The following PRRC2A variants were observed in gnomAD, a reference collection of about 807,000 sequenced individuals.
PRRC2A encodes the protein protein PRRC2A.
In PRRC2A, 59 loss-of-function variants were observed where a neutral mutation model predicts 224.6. The ratio of observed to expected loss-of-function variants is 0.26; its 90% confidence interval spans 0.21 to 0.33. The LOEUF (loss-of-function observed/expected upper bound fraction) is 0.33, where lower values mean the gene tolerates loss of function less well. PRRC2A is among the 10% of genes least tolerant of loss of function. The pLI is 1.00. For missense variants in PRRC2A, 3,095 were observed against 2,880.7 expected (o/e 1.07, Z -1.70); for synonymous variants, 1,194 against 1,109.5 (o/e 1.08, Z -1.51).
rs745445364 is a variant in PRRC2A, at chr6:31,632,093, A to C, written c.3420A>C (p.Pro1140=). 6.4e-6 allele frequency: 10 copies of C among 1,551,460 alleles called. No individual in the cohort carries two copies. The African/African-American group carries it at 1.4e-4, about 21-fold the overall frequency. The change falls in exon 16 of 31, where the codon CCA becomes CCC. Residue 1140 remains proline (P), a synonymous_variant. Coordinates refer to ENST00000376033, the MANE Select transcript of PRRC2A (RefSeq NM_004638.4). ...TCACCCAGGTCCCTCTCGCTCCCCC[A>C]CCACCAGGAGCCCCACCTTCACCAG... ...GTLTQVPLAP[P]PPGAPPSPAP... is the part of the protein sequence containing the mutation.
At position 31,631,752 on chromosome 6, in the gene PRRC2A, G is replaced by A; in HGVS notation, c.3079G>A (p.Gly1027Ser). Reference sequence around the variant, plus strand: ...GGGTCCTACCTCTTGCCGGGGTCGGGGCCGAGGCGAGTATTTTGCCAGAGG... The same window carrying A: ...GGGTCCTACCTCTTGCCGGGGTCGGAGCCGAGGCGAGTATTTTGCCAGAGG... ...RVGPTSCRGR[G>S]RGEYFARGRG... Residue 1027 changes from glycine to serine, a missense_variant, in exon 16 of 31, where the codon GGC becomes AGC. Physicochemically the swap from Gly to Ser is moderately conservative, Grantham distance 56. This residue lies in a region of PRRC2A where 2,001 missense variants were observed against 1,764.9 expected (regional missense o/e 1.13). Transcript: ENST00000376033. This position sits in a 1 kb window ranked among gnomAD's most constrained non-coding sequence, Gnocchi z 4.5. 6.5e-7 allele frequency: 1 copy of A among 1,541,744 alleles called. No homozygotes were observed. Among genetic ancestry groups the A allele is most frequent in the Non-Finnish European group, 8.8e-7 (1 of 1,142,564 alleles).
In PRRC2A at chr6:31,627,494, G is replaced by A. The variant is rs1245089885; in HGVS notation, c.1291-271G>A. Among the ~76,000 whole-genome samples, 1 of 152,298 alleles carries A rather than the reference G, an allele frequency of 6.6e-6. No homozygotes were observed. Among genetic ancestry groups the A allele is most frequent in the East Asian group, 1.9e-4 (1 of 5,192 alleles). ...AAAGACTAGGGTGGCTAGATAGCTGGATCTGTTAGTATGCATCAGTAGTCC... is the reference window on the plus strand; with the variant it reads ...AAAGACTAGGGTGGCTAGATAGCTGAATCTGTTAGTATGCATCAGTAGTCC... On this transcript the variant is annotated intron_variant, in intron 11 of 30. Transcript: ENST00000376033. The surrounding 1 kb of genome is among the most constrained non-coding windows in gnomAD (Gnocchi z 5.6).
At position 31,622,898 on chromosome 6, in the gene PRRC2A, G is replaced by T. The variant is rs115229219; in HGVS notation, c.109G>T (p.Ala37Ser). 4 of 1,612,106 alleles carry T rather than the reference G, an allele frequency of 2.5e-6. No individual in the cohort carries two copies. Among genetic ancestry groups the T allele is most frequent in the Non-Finnish European group, 3.4e-6 (4 of 1,178,146 alleles). Residue 37 changes from alanine (A) to serine (S), a missense_variant, in exon 2 of 31, where the codon GCT (alanine) becomes TCT (serine). Transcript: ENST00000376033. ...CAAGTCCTTAGAGATCCAGAAACCC[G>T]CTGGTGAGAGTCCTGCAAAGATGCT... ...KGKSLEIQKP[A>S]VAPRHGLQSL...
chr6:31,637,372 C>T lies in PRRC2A; in HGVS notation c.6333+48C>T, dbSNP rs4947329. 5.4e-3 allele frequency: 8,712 copies of T among 1,601,674 alleles called. 172 individuals carry two copies. In the African/African-American group the frequency reaches 0.063, roughly 12 times the overall value. ...CCCAACTCTAAATTCGAGTTGCCAC[C>T]TGATTTCCTGTCCTTCCGTCTCATC... On this transcript the variant is annotated intron_variant, in intron 30 of 30. Transcript: ENST00000376033.
chr6:31,624,305 C>A lies in PRRC2A; in HGVS notation c.335C>A (p.Pro112Gln), dbSNP rs114928949. 9.9e-4 allele frequency: 1,590 copies of A among 1,613,992 alleles called. 4 individuals are homozygous for A. The highest frequency in any genetic ancestry group is 2.3e-3 in the Middle Eastern group (14 of 6,062). Reference protein sequence around the residue: ...TAQPPESQPLPASQTPASNQP... With the variant: ...TAQPPESQPLQASQTPASNQP... ...CAGCCGCCGGAATCGCAGCCACTGCCGGCTTCACAGACGCCTGCCTCCAAC... is the reference window on the plus strand; with the variant it reads ...CAGCCGCCGGAATCGCAGCCACTGCAGGCTTCACAGACGCCTGCCTCCAAC... Residue 112 changes from proline to glutamine, a missense_variant, in exon 4 of 31, where the codon CCG (proline) becomes CAG (glutamine). Pro to Gln is a moderately conservative substitution (Grantham distance 76). Around this residue, in one of 8 missense-constraint regions of PRRC2A, gnomAD observed 52 missense variants for 77.9 expected, o/e 0.67. Coordinates refer to ENST00000376033, the MANE Select transcript of PRRC2A (RefSeq NM_004638.4).
chr6:31,622,546 T>C, intron 1 of PRRC2A, 144 bp from the exon 2 acceptor site: 2 of 457,430 alleles, frequency 4.4e-6, no homozygotes, highest in Admixed American at 8.2e-5. Flanking sequence ...GCATTTGAGC[T>C]ATGAGGGAGC....
chr6:31,624,793 G>T, intron 5 of PRRC2A: 1 of 559,816 alleles, frequency 1.8e-6, no homozygotes, highest in Non-Finnish European at 3.2e-6. Context: ...GTACCTGTCA[G>T]AGCCTTCCAC....
Position 31,627,707 on chromosome 6 carries a change from A to G in PRRC2A, c.1291-58A>G. ...CGACAGTTGATTTGTTGTAAAAGAG[A>G]TGATAGAAAGCATAGTAACTGATTC... On this transcript the variant is annotated intron_variant, in intron 11 of 30. Transcript: ENST00000376033. The surrounding 1 kb of genome is among the most constrained non-coding windows in gnomAD (Gnocchi z 5.6). 1.3e-6 allele frequency: 2 copies of G among 1,576,514 alleles called. No homozygotes were observed. Among genetic ancestry groups the G allele is most frequent in the Non-Finnish European group, 1.7e-6 (2 of 1,159,808 alleles).
rs143791889 is a variant in PRRC2A, at chr6:31,632,545, C to G, written c.3872C>G (p.Thr1291Arg). ...ASAPGPEEAL[T>R]TVTVAPAPRR... ...GCTCCTGGACCTGAGGAGGCCCTCA[C>G]AACAGTCACAGTGGCCCCAGCACCT... Residue 1291 changes from threonine to arginine, a missense_variant, in exon 16 of 31, where the codon ACA becomes AGA. Physicochemically the swap from Thr to Arg is moderately conservative, Grantham distance 71. This residue lies in a region of PRRC2A where 2,001 missense variants were observed against 1,764.9 expected (regional missense o/e 1.13). Coordinates refer to ENST00000376033, the MANE Select transcript of PRRC2A (RefSeq NM_004638.4). 3.7e-6 allele frequency: 6 copies of G among 1,611,298 alleles called. No individual in the cohort carries two copies. The highest frequency in any genetic ancestry group is 5.1e-6 in the Non-Finnish European group (6 of 1,178,948).
chr6:31,632,530 C>T lies in PRRC2A; in HGVS notation c.3857C>T (p.Pro1286Leu). Residue 1286 changes from proline to leucine, a missense_variant, in exon 16 of 31, where the codon CCT becomes CTT. Transcript: ENST00000376033. Reference sequence around the variant, plus strand: ...ACCCTTCCAGCCTCCGCTCCTGGACCTGAGGAGGCCCTCACAACAGTCACA... The same window carrying T: ...ACCCTTCCAGCCTCCGCTCCTGGACTTGAGGAGGCCCTCACAACAGTCACA... The part of the protein sequence containing the change: ...SLTLPASAPG[P>L]EEALTTVTVA... 6.2e-7 allele frequency: 1 copy of T among 1,609,804 alleles called. No homozygotes were observed. The highest frequency in any genetic ancestry group is 8.5e-7 in the Non-Finnish European group (1 of 1,177,858).
Position 31,625,379 on chromosome 6 carries a change from C to A in PRRC2A, c.607+65C>A. ...TCTCAGAGCTAGGTGCTGGCTTATT[C>A]ACCTTCCTCCCCATCACTTTCAGCT... is the stretch of plus-strand genomic sequence containing the variant. On this transcript the variant is annotated intron_variant, in intron 6 of 30. Transcript: ENST00000376033. This position sits in a 1 kb window ranked among gnomAD's most constrained non-coding sequence, Gnocchi z 4.1. 1 of 1,613,234 alleles carries A rather than the reference C, an allele frequency of 6.2e-7. No homozygotes were observed. The highest frequency in any genetic ancestry group is 8.5e-7 in the Non-Finnish European group (1 of 1,179,146).
rs1212043527 is a variant in PRRC2A at position 31,632,498 on chromosome 6, C to T, written c.3825C>T (p.Pro1275=). ...CCGCAAGGGGGTCTGAGGGCAAGCC[C>T]TCCCTAACCCTTCCAGCCTCCGCTC... ...ENAARGSEGK[P]SLTLPASAPG... The change falls in exon 16 of 31, where the codon CCC becomes CCT. Residue 1275 remains proline (P), a synonymous_variant. Coordinates refer to ENST00000376033, the MANE Select transcript of PRRC2A (RefSeq NM_004638.4). 64 of 1,607,842 alleles carry T rather than the reference C, an allele frequency of 4.0e-5. No individual in the cohort carries two copies. Among genetic ancestry groups the T allele is most frequent in the Non-Finnish European group, 5.4e-5 (63 of 1,176,678 alleles).
chr6:31,632,773 C>T lies in PRRC2A; in HGVS notation c.4100C>T (p.Ala1367Val). ...GGTGGAGCCGTACCAGGTATTTCAG[C>T]CATGTCCCGCGGAGATCTGAGCCAG... Reference protein sequence around the residue: ...GGGGAVPGISAMSRGDLSQRA... With the variant: ...GGGGAVPGISVMSRGDLSQRA... Residue 1367 changes from alanine to valine, a missense_variant, in exon 16 of 31, where the codon GCC (alanine) becomes GTC (valine). This residue lies in a region of PRRC2A where 2,001 missense variants were observed against 1,764.9 expected (regional missense o/e 1.13). Coordinates refer to ENST00000376033, the MANE Select transcript of PRRC2A (RefSeq NM_004638.4). 1 of 1,613,094 alleles carries T rather than the reference C, an allele frequency of 6.2e-7. No individual in the cohort carries two copies. The highest frequency in any genetic ancestry group is 8.5e-7 in the Non-Finnish European group (1 of 1,180,020).
chr6:31,631,584 CAG>C lies in PRRC2A; in HGVS notation c.2912_2913del (p.Gln971ArgfsTer3), dbSNP rs1471273098. ...VEELPPKPLE[Q>X]GDETPKPPKP... The stretch of plus-strand genomic sequence containing the variant: ...AGAGCTGCCTCCCAAGCCCCTCGAA[CAG>C]GGGGATGAAACCCCCAAACCCCCAA... On this transcript the variant is annotated frameshift_variant, in exon 16 of 31. Coordinates refer to ENST00000376033, the MANE Select transcript of PRRC2A (RefSeq NM_004638.4). LOFTEE classifies it high-confidence loss of function. This position sits in a 1 kb window ranked among gnomAD's most constrained non-coding sequence, Gnocchi z 4.5. The C allele has an allele frequency of 2.6e-6, 4 of 1,568,346 alleles. No homozygotes were observed. Among genetic ancestry groups the C allele is most frequent in the African/African-American group, 1.4e-5 (1 of 72,490 alleles).
rs771347165 is a variant in PRRC2A at position 31,629,670 on chromosome 6, A to T, written c.2079A>T (p.Pro693=). 17 of 1,607,554 alleles carry T rather than the reference A, an allele frequency of 1.1e-5. No homozygotes were observed. The East Asian group carries it at 3.6e-4, about 34-fold the overall frequency. ...QPVTLGAVPA[P]QAPPPPPKAL... is the part of the protein sequence containing the mutation. ...TGACCCTGGGGGCTGTGCCAGCTCC[A>T]CAGGCTCCACCCCCGCCCCCCAAGG... is the stretch of plus-strand genomic sequence containing the variant. The change falls in exon 14 of 31, where the codon CCA becomes CCT. Residue 693 remains proline, a synonymous_variant. Coordinates refer to ENST00000376033, the MANE Select transcript of PRRC2A (RefSeq NM_004638.4).
chr6:31,629,389 C>G (rs1434910888), intron 13 of PRRC2A, 55 bp downstream of exon 13: 3 of 1,522,392 alleles, frequency 2.0e-6, no homozygotes, highest in Non-Finnish European at 8.8e-7. Context: ...GCTTCGGTCC[C>G]TAATTCTCTT....
At chr6:31,634,149 CCT>C in intron 18 of PRRC2A, 85 bp from the exon 19 acceptor site, 1 of 1,565,594 alleles carries the variant, frequency 6.4e-7, no homozygotes, top group Non-Finnish European at 8.6e-7. Flanking sequence ...GTCCCCACAC[CCT>C]GTGTCACCCC....
chr6:31,626,264 G>A (rs1312555345), intron 9 of PRRC2A, 102 bp downstream of exon 9: 3 of 1,388,006 alleles, frequency 2.2e-6, no homozygotes, highest in East Asian at 2.4e-5. Context: ...ACATTGAAGT[G>A]TAGGAAGACC....
chr6:31,632,967 A>G lies in PRRC2A; in HGVS notation c.4294A>G (p.Ser1432Gly), dbSNP rs766094725. The G allele has an allele frequency of 6.3e-7, 1 of 1,591,504 alleles. No individual in the cohort carries two copies. The highest frequency in any genetic ancestry group is 1.1e-5 in the South Asian group (1 of 89,782). ...RTGPGRGDKR[S>G]WPSPKNRSRP... ...CGGGCCAGGACGAGGCGACAAGAGG[A>G]GCTGGCCCTCTCCCAAGAACCGAAG... is the stretch of plus-strand genomic sequence containing the variant. The change falls in exon 16 of 31, where the codon AGC (serine) becomes GGC (glycine). Residue 1432 changes from serine (S) to glycine (G), a missense_variant. This residue lies in a region of PRRC2A where 2,001 missense variants were observed against 1,764.9 expected (regional missense o/e 1.13). Coordinates refer to ENST00000376033, the MANE Select transcript of PRRC2A (RefSeq NM_004638.4).
Sources: allele counts gnomAD v4.1 joint callset (sites outside exome capture counted in the v4.1 genomes callset), GRCh38; gene constraint gnomAD v4.1.1; regional missense constraint gnomAD v4.1.1; non-coding constraint Gnocchi (gnomAD v3.1); transcripts MANE v1.5; gene names NCBI Gene and HGNC (gene_info 2026-07-23, HGNC 2026-07-21).